Variants in SNW1 observed in about 807,000 individuals in gnomAD.
SNW1 encodes SNW domain containing 1, also known as SNW domain-containing protein 1.
In SNW1, 9 loss-of-function variants were observed where a neutral mutation model predicts 75.6. The observed-to-expected ratio is 0.12, with a 90% CI of 0.07 to 0.21. The LOEUF (loss-of-function observed/expected upper bound fraction) is 0.21, where lower values mean the gene tolerates loss of function less well. SNW1 is among the 10% of genes least tolerant of loss of function. The pLI is 1.00. For synonymous variants in SNW1, 200 were observed against 219.1 expected, an observed-to-expected ratio of 0.91 and a Z score of 0.77; for missense variants, 409 against 670.9, an observed-to-expected ratio of 0.61 and a Z score of 4.31.
At chr14:77,750,463 T>C (rs768626070) in intron 3 of SNW1, among the ~76,000 whole-genome samples, 6 of 152,180 alleles carry the variant, frequency 3.9e-5, no homozygotes, top group South Asian at 2.1e-4. Context: ...ATCTGCATGA[T>C]TGCATAATTG....
intron 3 of SNW1, among the ~76,000 whole-genome samples, chr14:77,745,851 C>T (rs1421212856): frequency 6.6e-6 from 1 of 152,088 alleles, no homozygotes; most frequent in Non-Finnish European, 1.5e-5. Context: ...AGGTGAAACC[C>T]TGTCACTACA....
At chr14:77,725,568 T>C (rs964767423) in intron 10 of SNW1, among the ~76,000 whole-genome samples, 1 of 152,218 alleles carries the variant, frequency 6.6e-6, no homozygotes, top group African/African-American at 2.4e-5. Context: ...TTTCACAGCA[T>C]TATGTATTGA....
At chr14:77,737,535 A>C (rs1029892380) in intron 5 of SNW1, among the ~76,000 whole-genome samples, 6 of 152,180 alleles carry the variant, frequency 3.9e-5, no homozygotes, top group African/African-American at 1.4e-4. Flanking sequence ...TCTGTATGTG[A>C]TTCAATTCTC....
intron 5 of SNW1, 63 bp downstream of exon 5, chr14:77,738,715 C>A: frequency 8.2e-7 from 1 of 1,223,138 alleles, no homozygotes; most frequent in Non-Finnish European, 1.2e-6. Context: ...TGAAAGAATA[C>A]CATGACCCCC....
chr14:77,739,572 T>C (rs1201345620), intron 3 of SNW1, among the ~76,000 whole-genome samples: 1 of 151,470 alleles, frequency 6.6e-6, no homozygotes, highest in Admixed American at 6.6e-5. Flanking sequence ...TGTGCCACAG[T>C]TAAAAAACCC....
intron 12 of SNW1, 44 bp downstream of exon 12, chr14:77,720,667 G>GT: frequency 8.3e-7 from 1 of 1,210,852 alleles, no homozygotes; most frequent in Non-Finnish European, 1.2e-6. Flanking sequence ...CTGAGGATAG[G>GT]TATTCACATC....
At chr14:77,750,212 TAAAAA>T (rs947130132) in intron 3 of SNW1, among the ~76,000 whole-genome samples, 1 of 151,212 alleles carries the variant, frequency 6.6e-6, no homozygotes, top group Non-Finnish European at 1.5e-5. Context: ...AAAAAACAAA[TAAAAA>T]ATAAAATAAA....
chr14:77,718,317 C>CT lies in SNW1; in HGVS notation c.1413-32dup, dbSNP rs764036417. 1.8e-5 allele frequency: 29 copies of CT among 1,614,032 alleles called. No individual in the cohort carries two copies. In the South Asian group the frequency reaches 1.9e-4, roughly 10 times the overall value. On this transcript the variant is annotated intron_variant, in intron 13 of 13. Coordinates refer to ENST00000261531, the MANE Select transcript of SNW1 (RefSeq NM_012245.3). ...GAAAAGGAGAAAAAACTATGAACTACTTTGCTTTCACCAGTGTAAACACTG... is the reference window on the plus strand; with the variant it reads ...GAAAAGGAGAAAAAACTATGAACTACTTTTGCTTTCACCAGTGTAAACACTG...
In SNW1 at chr14:77,751,402, A is replaced by C; in HGVS notation, c.247T>G (p.Ser83Ala). ...TCCACCTGAATGGCCAGCGCATTCG[A>C]CATTTTTTTCTTTCGTCCCATATCC... Reference protein sequence around the residue: ...PLDMGRKKKMSNALAIQVDSE... With the variant: ...PLDMGRKKKMANALAIQVDSE... Residue 83 changes from serine (S) to alanine (A), a missense_variant, in exon 3 of 14, where the codon TCG becomes GCG. Transcript: ENST00000261531. 6.2e-7 allele frequency: 1 copy of C among 1,613,898 alleles called. No individual in the cohort carries two copies. Among genetic ancestry groups the C allele is most frequent in the Non-Finnish European group, 8.5e-7 (1 of 1,179,880 alleles).
At chr14:77,755,406 C>T (rs976036155) in intron 1 of SNW1, among the ~76,000 whole-genome samples, 6 of 152,040 alleles carry the variant, frequency 3.9e-5, no homozygotes, top group African/African-American at 1.4e-4. Context: ...AACTCTTAAG[C>T]GTTTATGCTT....
At chr14:77,726,363 T>G (rs1205557803) in intron 10 of SNW1, among the ~76,000 whole-genome samples, 1 of 152,254 alleles carries the variant, frequency 6.6e-6, no homozygotes, top group Non-Finnish European at 1.5e-5. Context: ...CTTACTGTGT[T>G]GCCCAGGGTG....
intron 3 of SNW1, among the ~76,000 whole-genome samples, chr14:77,749,349 G>C (rs1035104467): frequency 7.9e-5 from 12 of 152,194 alleles, no homozygotes; most frequent in African/African-American, 2.7e-4. Context: ...GTGAATTGAA[G>C]AGTGAAAGGA....
chr14:77,738,265 C>T (rs1202035806), intron 5 of SNW1, among the ~76,000 whole-genome samples: 1 of 152,108 alleles, frequency 6.6e-6, no homozygotes, highest in Non-Finnish European at 1.5e-5. Context: ...CACACCACTG[C>T]ACTCCAGCCT....
At chr14:77,739,113 ACCT>A (rs781758444) in intron 3 of SNW1, 52 bp from the exon 4 acceptor site, 2 of 1,321,398 alleles carry the variant, frequency 1.5e-6, no homozygotes, top group Admixed American at 1.7e-5. Context: ...ACGAAAAGAA[ACCT>A]CATTAGCCAT....
intron 12 of SNW1, chr14:77,720,465 G>T: frequency 5.7e-6 from 4 of 700,720 alleles, no homozygotes; most frequent in Non-Finnish European, 7.8e-6. Context: ...ACAAAAGGTT[G>T]ACATACCACA....
intron 12 of SNW1, among the ~76,000 whole-genome samples, chr14:77,720,083 T>A (rs535181434): frequency 6.6e-6 from 1 of 152,196 alleles, no homozygotes; most frequent in East Asian, 1.9e-4. Context: ...AATCCCAAAT[T>A]GATATATTTC....
intron 3 of SNW1, among the ~76,000 whole-genome samples, chr14:77,742,074 C>T (rs2080723604): frequency 6.6e-6 from 1 of 151,938 alleles, no homozygotes; most frequent in Non-Finnish European, 1.5e-5. Flanking sequence ...TCTTGTTGCC[C>T]AAGCTGGAGT....
chr14:77,720,055 C>T (rs990622174), intron 12 of SNW1, among the ~76,000 whole-genome samples: 1 of 152,206 alleles, frequency 6.6e-6, no homozygotes. Context: ...TCCCGTTTTA[C>T]AGCTTCATTT....
In SNW1 at chr14:77,717,606, TA is replaced by T. The variant is rs1386489295; in HGVS notation, c.*481del. 6.5e-7 allele frequency: 1 copy of T among 1,539,336 alleles called. No individual in the cohort carries two copies. Among genetic ancestry groups the T allele is most frequent in the Admixed American group, 1.7e-5 (1 of 57,526 alleles). ...AGTTAACATAACTGAGAATTTTGTC[TA>T]AATGTTTTTATTTGAAACAAATAGT... On this transcript the variant is annotated 3_prime_UTR_variant, in exon 14 of 14. Transcript: ENST00000261531.
Sources: gnomAD v4.1 joint callset for allele counts (sites outside exome capture counted in the v4.1 genomes callset) on GRCh38, gnomAD v4.1.1 for gene constraint, MANE v1.5 for transcripts, NCBI Gene and HGNC (gene_info 2026-07-23, HGNC 2026-07-21) for gene names.